The following BBS9 variants were observed in gnomAD, a reference collection of about 807,000 sequenced individuals.
BBS9 encodes the protein protein PTHB1.
A neutral mutation model predicts 117.7 loss-of-function variants in BBS9; 89 were observed. That is an observed-to-expected ratio of 0.76 (90% CI 0.64 to 0.90). The LOEUF (loss-of-function observed/expected upper bound fraction) is 0.90, where lower values mean the gene tolerates loss of function less well. Ranked by LOEUF, BBS9 falls within the 40% of genes least tolerant of loss-of-function variation. BBS9 has a pLI of 0.00. For missense variants in BBS9, 982 were observed against 1,042.2 expected (o/e 0.94, Z 0.80); for synonymous variants, 379 against 370.9 (o/e 1.02, Z -0.25).
intron 5 of BBS9, 86 bp from the exon 6 acceptor site, chr7:33,257,150 G>A (rs551682295): frequency 3.4e-5 from 32 of 930,120 alleles, no homozygotes; most frequent in Non-Finnish European, 4.4e-5. Context: ...TGGTGCCTAA[G>A]ACATACATGT....
chr7:33,499,206 A>G (rs1845127587), intron 19 of BBS9, among the ~76,000 whole-genome samples: 1 of 152,246 alleles, frequency 6.6e-6, no homozygotes, highest in South Asian at 2.1e-4. Context: ...ATCCAAAAGT[A>G]GTTTAAAACT....
chr7:33,170,735 G>T (rs1796419985), intron 4 of BBS9, among the ~76,000 whole-genome samples: 1 of 148,162 alleles, frequency 6.7e-6, no homozygotes, highest in Admixed American at 6.7e-5. Flanking sequence ...TCCTTAAGCT[G>T]ATAAGCAACT....
chr7:33,139,243 ACT>A (rs1198268222), intron 1 of BBS9, among the ~76,000 whole-genome samples: 1 of 151,252 alleles, frequency 6.6e-6, no homozygotes, highest in Non-Finnish European at 1.5e-5. Context: ...CAAGAGTGAA[ACT>A]CTGTCTCAAA....
chr7:33,400,708 C>T (rs923075371), intron 19 of BBS9, among the ~76,000 whole-genome samples: 3 of 151,970 alleles, frequency 2.0e-5, no homozygotes, highest in East Asian at 1.9e-4. Context: ...ATATCAACCC[C>T]GATATGTTTC....
chr7:33,408,748 A>G (rs1445394123), intron 19 of BBS9, among the ~76,000 whole-genome samples: 1 of 152,148 alleles, frequency 6.6e-6, no homozygotes, highest in Non-Finnish European at 1.5e-5. Context: ...TGTTGGGTTG[A>G]ATGATAGTTC....
chr7:33,186,015 A>G (rs191934495), intron 5 of BBS9, among the ~76,000 whole-genome samples: 3 of 152,380 alleles, frequency 2.0e-5, no homozygotes, highest in Admixed American at 2.0e-4. Flanking sequence ...TATTAAAAAT[A>G]AATGTAACTT....
chr7:33,448,842 CATA>C (rs1837362665), intron 19 of BBS9, among the ~76,000 whole-genome samples: 1 of 152,198 alleles, frequency 6.6e-6, no homozygotes, highest in South Asian at 2.1e-4. Context: ...GGCCCTGGCA[CATA>C]ATAAGAAAAA....
chr7:33,276,494 AG>A (rs1418479639), intron 9 of BBS9, among the ~76,000 whole-genome samples: 2 of 152,198 alleles, frequency 1.3e-5, no homozygotes, highest in Non-Finnish European at 2.9e-5. Context: ...GCTGCGGTTT[AG>A]GTTATTAACC....
intron 1 of BBS9, among the ~76,000 whole-genome samples, chr7:33,131,271 T>C (rs1789566641): frequency 6.6e-6 from 1 of 152,226 alleles, no homozygotes; most frequent in Non-Finnish European, 1.5e-5. Context: ...TATTGAGTAC[T>C]TGCTATGGGT....
At chr7:33,407,327 A>G (rs1830210602) in intron 19 of BBS9, among the ~76,000 whole-genome samples, 1 of 152,086 alleles carries the variant, frequency 6.6e-6, no homozygotes, top group South Asian at 2.1e-4. Context: ...TTCTAGTTAT[A>G]CATTCGTCTA....
rs191385543 is a variant in BBS9, at chr7:33,581,214, A to G, written c.2522-23651A>G. Among the ~76,000 whole-genome samples the G allele has an allele frequency of 8.2e-3, 1,253 of 152,262 alleles. 10 individuals carry two copies. The highest frequency in any genetic ancestry group is 0.025 in the South Asian group (119 of 4,832). ...TGTACTTGCTTCGGGGAAAAAGACT[A>G]TAAAATAGGACACTTGTTTCAAAAA... is the stretch of plus-strand genomic sequence containing the variant. On this transcript the variant is annotated intron_variant, in intron 21 of 22. Transcript: ENST00000242067.
chr7:33,325,105 C>G (rs910548206), intron 9 of BBS9, among the ~76,000 whole-genome samples: 1 of 152,092 alleles, frequency 6.6e-6, no homozygotes, highest in Admixed American at 6.5e-5. Context: ...AAGGCTAATG[C>G]CTTTTAGATT....
At chr7:33,407,276 C>T (rs867821698) in intron 19 of BBS9, among the ~76,000 whole-genome samples, 2 of 152,218 alleles carry the variant, frequency 1.3e-5, no homozygotes, top group Non-Finnish European at 2.9e-5. Context: ...CCTTGGCTTT[C>T]AGCTCCATCA....
chr7:33,470,585 C>T (rs1313297508), intron 19 of BBS9, among the ~76,000 whole-genome samples: 1 of 152,094 alleles, frequency 6.6e-6, no homozygotes, highest in Non-Finnish European at 1.5e-5. Flanking sequence ...GTGATGAATT[C>T]TCTATTTTCA....
chr7:33,498,652 A>T (rs370548541), intron 19 of BBS9, among the ~76,000 whole-genome samples: 3 of 152,168 alleles, frequency 2.0e-5, no homozygotes, highest in Non-Finnish European at 4.4e-5. Context: ...TTAGCATAAC[A>T]TCTTCAAGAT....
At chr7:33,550,029 A>G (rs1854116399) in intron 21 of BBS9, among the ~76,000 whole-genome samples, 1 of 147,252 alleles carries the variant, frequency 6.8e-6, no homozygotes, top group Non-Finnish European at 1.5e-5. Flanking sequence ...AAAATCATGA[A>G]GGGATTTCTA....
intron 4 of BBS9, among the ~76,000 whole-genome samples, chr7:33,170,665 C>A (rs1319210144): frequency 1.3e-5 from 2 of 151,180 alleles, no homozygotes; most frequent in East Asian, 3.9e-4. Context: ...GTCAAATTGT[C>A]CCTGTTTGCG....
intron 9 of BBS9, among the ~76,000 whole-genome samples, chr7:33,318,491 T>C (rs910612425): frequency 8.5e-5 from 13 of 152,170 alleles, no homozygotes; most frequent in Admixed American, 2.6e-4. Context: ...ATATTCTCAC[T>C]GCCTGGTTCA....
At chr7:33,321,640 A>T (rs935422512) in intron 9 of BBS9, among the ~76,000 whole-genome samples, 2 of 151,910 alleles carry the variant, frequency 1.3e-5, no homozygotes, top group African/African-American at 4.8e-5. Context: ...GTTCTTTCCA[A>T]ATGTAGTATC....
Sources: gnomAD v4.1 joint callset for allele counts (sites outside exome capture counted in the v4.1 genomes callset) on GRCh38, gnomAD v4.1.1 for gene constraint, MANE v1.5 for transcripts, NCBI Gene and HGNC (gene_info 2026-07-23, HGNC 2026-07-21) for gene names.